The following PAM variants were observed in gnomAD, a reference collection of about 807,000 sequenced individuals.
PAM encodes the protein peptidylglycine alpha-amidating monooxygenase.
A neutral mutation model predicts 122.1 loss-of-function variants in PAM; 72 were observed. The ratio of observed to expected loss-of-function variants is 0.59; its 90% CI spans 0.49 to 0.72. PAM has a LOEUF of 0.72. Ranked by LOEUF, PAM falls within the 30% of genes least tolerant of loss-of-function variation. The probability of loss-of-function intolerance (pLI) is 0.00; values close to 1 mark genes in which losing one functional copy is unlikely to be tolerated. For synonymous variants in PAM, 389 were observed against 404.4 expected, an observed-to-expected ratio of 0.96 and a Z score of 0.46; for missense variants, 1,106 against 1,183.7, an observed-to-expected ratio of 0.93 and a Z score of 0.96.
At chr5:102,977,000 C>A (rs918874940) in intron 15 of PAM, among the ~76,000 whole-genome samples, 1 of 152,158 alleles carries the variant, frequency 6.6e-6, no homozygotes, top group Non-Finnish European at 1.5e-5. Context: ...CTGATGTCCC[C>A]AGTTGTTGAC....
chr5:102,921,964 T>C (rs1747592855), intron 5 of PAM, among the ~76,000 whole-genome samples: 1 of 152,170 alleles, frequency 6.6e-6, no homozygotes, highest in Non-Finnish European at 1.5e-5. Context: ...ATGAGCTGAT[T>C]TGTTCAAAAA....
intron 3 of PAM, among the ~76,000 whole-genome samples, chr5:102,878,252 C>T (rs1056225136): frequency 6.6e-6 from 1 of 152,014 alleles, no homozygotes; most frequent in African/African-American, 2.4e-5. Flanking sequence ...ATCAAAGGGA[C>T]TGAAGATTAT....
At chr5:102,829,440 C>G (rs553960387) in intron 1 of PAM, among the ~76,000 whole-genome samples, 1 of 148,640 alleles carries the variant, frequency 6.7e-6, no homozygotes, top group South Asian at 2.1e-4. Flanking sequence ...GTCGCGATCT[C>G]GGTTCACTGC....
chr5:102,924,941 T>A lies in PAM; in HGVS notation c.357-16T>A. 7.6e-7 allele frequency: 1 copy of A among 1,312,334 alleles called. No individual in the cohort carries two copies. The highest frequency in any genetic ancestry group is 1.1e-6 in the Non-Finnish European group (1 of 904,544). 81.3% of individuals were successfully genotyped at this position (1,312,334 alleles called of 1,614,324 possible). A position where few individuals can be genotyped will look rare whatever the true frequency, so the allele number is the denominator to read the frequency against. ...CTATTTAAATCTTCATTTATACTAC[T>A]TTTTATTTTCTTCAGGTTTTGTGAT... is the stretch of plus-strand genomic sequence containing the variant. On this transcript the variant is annotated splice_polypyrimidine_tract_variant and intron_variant, in intron 5 of 25. Coordinates refer to ENST00000438793, the MANE Select transcript of PAM (RefSeq NM_001177306.2).
rs147652894 is a variant in PAM at position 102,967,277 on chromosome 5, G to T, written c.1162+6048G>T. Among the ~76,000 whole-genome samples the T allele has an allele frequency of 3.9e-3, 595 of 152,220 alleles. 2 individuals are homozygous for T. The highest frequency in any genetic ancestry group is 0.014 in the African/African-American group (582 of 41,536). On this transcript the variant is annotated intron_variant, in intron 14 of 25. Coordinates refer to ENST00000438793, the MANE Select transcript of PAM (RefSeq NM_001177306.2). Reference sequence around the variant, plus strand: ...CTGCATTCCTTTTCTCCACACATTAGCTGCTACTATAGTTGTGTTTTCCAT... The same window carrying T: ...CTGCATTCCTTTTCTCCACACATTATCTGCTACTATAGTTGTGTTTTCCAT...
intron 5 of PAM, among the ~76,000 whole-genome samples, chr5:102,918,615 T>C (rs1371617925): frequency 6.6e-6 from 1 of 152,108 alleles, no homozygotes; most frequent in East Asian, 1.9e-4. Context: ...CTTCATTCTG[T>C]TTTTACTCTT....
intron 15 of PAM, among the ~76,000 whole-genome samples, chr5:102,978,354 ACTT>A (rs895826260): frequency 7.2e-5 from 11 of 152,220 alleles, no homozygotes; most frequent in Non-Finnish European, 1.6e-4. Flanking sequence ...AAGCAGATGT[ACTT>A]CTTTTTAAAC....
chr5:102,880,421 A>G (rs1289263362), intron 3 of PAM, among the ~76,000 whole-genome samples: 1 of 152,194 alleles, frequency 6.6e-6, no homozygotes, highest in African/African-American at 2.4e-5. Flanking sequence ...TAAAAATTAC[A>G]TAGCAGGATA....
intron 15 of PAM, among the ~76,000 whole-genome samples, chr5:102,985,023 AT>A (rs1251135953): frequency 1.5e-4 from 22 of 151,320 alleles, no homozygotes; most frequent in Admixed American, 1.2e-3. Flanking sequence ...AAAAAAAAAA[AT>A]TTGAAACAAA....
At chr5:102,758,340 G>T (rs1264483886) in intron 1 of PAM, among the ~76,000 whole-genome samples, 1 of 151,980 alleles carries the variant, frequency 6.6e-6, no homozygotes, top group Non-Finnish European at 1.5e-5. Flanking sequence ...GGCAGCCTGA[G>T]GGACATAATG....
At chr5:102,950,856 T>C in intron 12 of PAM, 36 bp downstream of exon 12, 1 of 1,250,980 alleles carries the variant, frequency 8.0e-7, no homozygotes, top group Admixed American at 1.7e-5. Context: ...TAAAGATATT[T>C]TATTGGGATA....
At chr5:102,772,291 C>G (rs2149777256) in intron 1 of PAM, among the ~76,000 whole-genome samples, 1 of 152,184 alleles carries the variant, frequency 6.6e-6, no homozygotes, top group South Asian at 2.1e-4. Context: ...TTCTATAACC[C>G]TGCAGTGTAA....
intron 12 of PAM, among the ~76,000 whole-genome samples, chr5:102,952,045 G>A (rs1759086169): frequency 6.6e-6 from 1 of 152,056 alleles, no homozygotes; most frequent in Non-Finnish European, 1.5e-5. Context: ...TTATGTCAGT[G>A]CAGAGCCATA....
intron 4 of PAM, among the ~76,000 whole-genome samples, chr5:102,912,857 CTCT>C (rs1278374130): frequency 6.6e-6 from 1 of 151,968 alleles, no homozygotes; most frequent in East Asian, 1.9e-4. Context: ...AAAGGTTTGT[CTCT>C]TCTGAAAGTT....
chr5:102,978,258 C>T (rs946209618), intron 15 of PAM, among the ~76,000 whole-genome samples: 1 of 152,168 alleles, frequency 6.6e-6, no homozygotes, highest in Non-Finnish European at 1.5e-5. Flanking sequence ...GCTCTTCAAA[C>T]ATCTGATCAC....
chr5:102,779,783 T>C (rs2149839568), intron 1 of PAM, among the ~76,000 whole-genome samples: 1 of 146,542 alleles, frequency 6.8e-6, no homozygotes, highest in African/African-American at 2.6e-5. Flanking sequence ...TCCAAGTTCT[T>C]CAGTTTTGAG....
intron 1 of PAM, among the ~76,000 whole-genome samples, chr5:102,803,939 A>C (rs1392664889): frequency 3.3e-5 from 5 of 152,154 alleles, no homozygotes; most frequent in Non-Finnish European, 5.9e-5. Context: ...AGAACACCGA[A>C]AATTCTGAGA....
At chr5:102,890,182 G>T (rs1471631355) in intron 3 of PAM, among the ~76,000 whole-genome samples, 2 of 151,764 alleles carry the variant, frequency 1.3e-5, no homozygotes, top group East Asian at 3.9e-4. Flanking sequence ...GCATCTAGAG[G>T]CTAGATCAGA....
In PAM at chr5:103,029,410, T is replaced by G. The variant is rs1486530501; in HGVS notation, c.*345T>G. 5.6e-6 allele frequency: 1 copy of G among 177,154 alleles called. No homozygotes were observed. Among genetic ancestry groups the G allele is most frequent in the Non-Finnish European group, 1.2e-5 (1 of 85,070 alleles). The allele number at this position is 177,154 out of a possible 1,614,324, so 11.0% of individuals were successfully genotyped here. ...CCATTCTTTGCTTGAACACAGTATTTTCCCAATAGCACTTTCATTGCCAGT... is the reference window on the plus strand; with the variant it reads ...CCATTCTTTGCTTGAACACAGTATTGTCCCAATAGCACTTTCATTGCCAGT... On this transcript the variant is annotated 3_prime_UTR_variant, in exon 26 of 26. Transcript: ENST00000438793.
Sources: gnomAD v4.1 joint callset for allele counts (sites outside exome capture counted in the v4.1 genomes callset) on GRCh38, gnomAD v4.1.1 for gene constraint, MANE v1.5 for transcripts, NCBI Gene and HGNC (gene_info 2026-07-23, HGNC 2026-07-21) for gene names.